The following TMEM196 variants were observed in gnomAD, a reference collection of about 807,000 sequenced individuals.
The protein encoded by TMEM196 is transmembrane protein 196.
In TMEM196, 17 loss-of-function variants were observed where a neutral mutation model predicts 20.0. The observed-to-expected ratio is 0.85, with a 90% CI of 0.58 to 1.27. The LOEUF is 1.27. Ranked by LOEUF, TMEM196 falls within the 50% of genes most tolerant of loss-of-function variation. The pLI, the probability that TMEM196 is intolerant of heterozygous loss-of-function variation, is 0.00. For missense variants in TMEM196, 267 were observed against 223.0 expected (o/e 1.20, Z -1.26); for synonymous variants, 113 against 88.9 (o/e 1.27, Z -1.52).
chr7:19,757,381 G>A (rs559790768), intron 1 of TMEM196, among the ~76,000 whole-genome samples: 1 of 144,372 alleles, frequency 6.9e-6, no homozygotes, highest in Middle Eastern at 3.6e-3. Flanking sequence ...GTTGAGATGG[G>A]GTTTCACCAG....
rs1485507892 is a variant in TMEM196, at chr7:19,721,272, T to G, written c.*856A>C. 1 of 151,932 alleles carries G rather than the reference T, an allele frequency of 6.6e-6. No homozygotes were observed. Among genetic ancestry groups the G allele is most frequent in the Non-Finnish European group, 1.5e-5 (1 of 67,828 alleles). The allele number at this position is 151,932 out of a possible 1,614,324, so 9.4% of individuals were successfully genotyped here. A position where few individuals can be genotyped will look rare whatever the true frequency, so the allele number is the denominator to read the frequency against. On this transcript the variant is annotated 3_prime_UTR_variant, in exon 5 of 5. Transcript: ENST00000405844. ...ATAATACCCCCACAGCATCACAATT[T>G]CTTTTCTAATACCTATTTACATTCA... is the stretch of plus-strand genomic sequence containing the variant.
chr7:19,760,352 C>CTTTTTT (rs55646735), intron 1 of TMEM196, among the ~76,000 whole-genome samples: 2 of 92,178 alleles, frequency 2.2e-5, no homozygotes, highest in Non-Finnish European at 4.2e-5. Context: ...ATATATTTTC[C>CTTTTTT]TTTTTTTTTT....
intron 1 of TMEM196, among the ~76,000 whole-genome samples, chr7:19,732,050 G>T (rs1246802440): frequency 6.6e-6 from 1 of 152,130 alleles, no homozygotes; most frequent in African/African-American, 2.4e-5. Context: ...AAGAGAAAAA[G>T]AGGCCCCCAA....
intron 1 of TMEM196, among the ~76,000 whole-genome samples, chr7:19,762,850 G>T (rs1229293425): frequency 1.3e-5 from 2 of 152,150 alleles, no homozygotes; most frequent in East Asian, 3.9e-4. Flanking sequence ...TTCTTCCCAA[G>T]AATTGCCAAC....
intron 1 of TMEM196, among the ~76,000 whole-genome samples, chr7:19,730,939 T>C (rs769640252): frequency 1.3e-5 from 2 of 152,194 alleles, no homozygotes; most frequent in Non-Finnish European, 2.9e-5. Flanking sequence ...TAGAATAATG[T>C]GTTAACGTTC....
intron 1 of TMEM196, among the ~76,000 whole-genome samples, chr7:19,766,451 A>G (rs997993846): frequency 6.6e-6 from 1 of 151,906 alleles, no homozygotes; most frequent in African/African-American, 2.4e-5. Context: ...TATTTAGACC[A>G]ATGCTGGACC....
At chr7:19,750,138 A>C (rs887446762) in intron 1 of TMEM196, among the ~76,000 whole-genome samples, 16 of 152,158 alleles carry the variant, frequency 1.1e-4, no homozygotes, top group Non-Finnish European at 1.8e-4. Flanking sequence ...CATTTTCATG[A>C]TCATTCTCTC....
intron 1 of TMEM196, among the ~76,000 whole-genome samples, chr7:19,752,890 A>C (rs1008558643): frequency 2.2e-4 from 33 of 152,028 alleles, no homozygotes; most frequent in Admixed American, 7.2e-4. Context: ...TGGGATTACA[A>C]GCATGAGCCA....
At chr7:19,734,747 T>A (rs906347682) in intron 1 of TMEM196, among the ~76,000 whole-genome samples, 1 of 152,190 alleles carries the variant, frequency 6.6e-6, no homozygotes, top group African/African-American at 2.4e-5. Flanking sequence ...ATTTTAGACT[T>A]CTGCCTCTCA....
chr7:19,746,864 G>A (rs1249794381), intron 1 of TMEM196, among the ~76,000 whole-genome samples: 1 of 152,192 alleles, frequency 6.6e-6, no homozygotes, highest in South Asian at 2.1e-4. Flanking sequence ...AACCTCAGCA[G>A]GAAGGAATTA....
At chr7:19,727,254 T>C (rs548386423) in intron 2 of TMEM196, among the ~76,000 whole-genome samples, 4 of 152,132 alleles carry the variant, frequency 2.6e-5, no homozygotes, top group Non-Finnish European at 2.9e-5. Context: ...AATTTTAACA[T>C]GGCATGATAA....
intron 1 of TMEM196, among the ~76,000 whole-genome samples, chr7:19,767,282 CATGGT>C (rs778616592): frequency 7.2e-5 from 11 of 152,074 alleles, no homozygotes; most frequent in Non-Finnish European, 1.3e-4. Context: ...TCTTTTGACG[CATGGT>C]ATGGCCCCCT....
chr7:19,745,723 C>T (rs948633175), intron 1 of TMEM196, among the ~76,000 whole-genome samples: 39 of 147,796 alleles, frequency 2.6e-4, no homozygotes, highest in African/African-American at 9.3e-4. Context: ...CCTGTTCCAT[C>T]CCACATCCTG....
At chr7:19,740,469 A>G (rs1302803409) in intron 1 of TMEM196, among the ~76,000 whole-genome samples, 1 of 152,158 alleles carries the variant, frequency 6.6e-6, no homozygotes, top group Non-Finnish European at 1.5e-5. Flanking sequence ...TTTAGGAGTT[A>G]CTTATTCAAA....
chr7:19,759,643 C>G (rs186609631), intron 1 of TMEM196, among the ~76,000 whole-genome samples: 1 of 152,106 alleles, frequency 6.6e-6, no homozygotes, highest in East Asian at 1.9e-4. Context: ...CACATGCACG[C>G]ACACACACGC....
intron 1 of TMEM196, 127 bp downstream of exon 1, chr7:19,772,423 A>T: frequency 9.3e-7 from 1 of 1,079,918 alleles, no homozygotes; most frequent in Non-Finnish European, 1.2e-6. Flanking sequence ...ATGAACCTAC[A>T]TGCAAGCCAG....
chr7:19,748,981 T>C (rs536068913), intron 1 of TMEM196, among the ~76,000 whole-genome samples: 3 of 152,334 alleles, frequency 2.0e-5, no homozygotes, highest in African/African-American at 7.2e-5. Flanking sequence ...ATTTTATTCT[T>C]AAACTAGAAA....
chr7:19,768,000 T>G (rs894689069), intron 1 of TMEM196, among the ~76,000 whole-genome samples: 1 of 152,074 alleles, frequency 6.6e-6, no homozygotes, highest in Non-Finnish European at 1.5e-5. Flanking sequence ...TTCAACAAAA[T>G]CCTACAATTG....
chr7:19,725,373 T>C, intron 3 of TMEM196, 141 bp downstream of exon 3: 2 of 1,113,270 alleles, frequency 1.8e-6, no homozygotes, highest in Non-Finnish European at 1.2e-6. Context: ...TAAAATAAAA[T>C]TTCTATTCTT....
Sources: allele counts gnomAD v4.1 joint callset (sites outside exome capture counted in the v4.1 genomes callset), GRCh38; gene constraint gnomAD v4.1.1; transcripts MANE v1.5; gene names NCBI Gene and HGNC (gene_info 2026-07-23, HGNC 2026-07-21).